The following TRPC1 variants were observed in gnomAD, a reference collection of about 807,000 sequenced individuals.
TRPC1 encodes transient receptor potential cation channel subfamily C member 1, also known as short transient receptor potential channel 1.
Under a neutral mutation model 88.2 loss-of-function variants are expected in TRPC1, and 42 were observed. The observed-to-expected ratio is 0.48, with a 90% CI of 0.37 to 0.62. The LOEUF (loss-of-function observed/expected upper bound fraction) is 0.62. TRPC1 is among the 20% of genes least tolerant of loss of function. TRPC1 has a pLI of 0.00. For missense variants in TRPC1, 699 were observed against 957.3 expected, an observed-to-expected ratio of 0.73 and a Z score of 3.56; for synonymous variants, 288 against 331.8, an observed-to-expected ratio of 0.87 and a Z score of 1.43.
Position 142,781,037 on chromosome 3 carries a change from G to C in TRPC1, c.960+8G>C, listed in dbSNP as rs376037016. On this transcript the variant is annotated splice_region_variant and intron_variant, in intron 6 of 12. Coordinates refer to ENST00000476941, the MANE Select transcript of TRPC1 (RefSeq NM_001251845.2). ...AAATATAACCAGAAAGAGGTATGAG[G>C]CTTTCTGTAATATATTTAAATTATT... is the stretch of plus-strand genomic sequence containing the variant. 3 of 1,598,532 alleles carry C rather than the reference G, an allele frequency of 1.9e-6. No individual in the cohort carries two copies. Among genetic ancestry groups the C allele is most frequent in the Non-Finnish European group, 2.6e-6 (3 of 1,174,094 alleles).
chr3:142,762,341 T>G (rs561799126), intron 4 of TRPC1, among the ~76,000 whole-genome samples: 1 of 151,866 alleles, frequency 6.6e-6, no homozygotes, highest in African/African-American at 2.4e-5. Flanking sequence ...TGGCCTCTTC[T>G]GTATTTTTTT....
chr3:142,739,286 T>C (rs1472643537), intron 2 of TRPC1, among the ~76,000 whole-genome samples: 1 of 152,146 alleles, frequency 6.6e-6, no homozygotes, highest in Non-Finnish European at 1.5e-5. Flanking sequence ...GATATTATTA[T>C]TGTCCCCATT....
At position 142,724,646 on chromosome 3, in the gene TRPC1, C is replaced by T. The variant is rs185773990; in HGVS notation, c.87C>T (p.Asn29=). ...LPSSPSSSSP[N]EVMALKDVRE... is the part of the protein sequence containing the mutation. ...CCTCTCCATCCTCTTCCTCGCCGAA[C>T]GAGGTGATGGCGCTGAAGGATGTGC... is the stretch of plus-strand genomic sequence containing the variant. Residue 29 remains asparagine, a synonymous_variant, in exon 1 of 13, where the codon AAC becomes AAT. Coordinates refer to ENST00000476941, the MANE Select transcript of TRPC1 (RefSeq NM_001251845.2). This position sits in a 1 kb window ranked among gnomAD's most constrained non-coding sequence, Gnocchi z 5.6. 2 of 1,613,026 alleles carry T rather than the reference C, an allele frequency of 1.2e-6. No individual in the cohort carries two copies. Among genetic ancestry groups the T allele is most frequent in the Admixed American group, 1.7e-5 (1 of 59,984 alleles).
chr3:142,734,739 A>T (rs1215104429), intron 1 of TRPC1, among the ~76,000 whole-genome samples: 1 of 152,068 alleles, frequency 6.6e-6, no homozygotes, highest in Non-Finnish European at 1.5e-5. Flanking sequence ...GGAATTTGAG[A>T]CAAGCCTGGG....
chr3:142,730,606 G>GT (rs34841179), intron 1 of TRPC1, among the ~76,000 whole-genome samples: 58,762 of 142,170 alleles, frequency 0.41, 12,146 homozygotes, highest in African/African-American at 0.47. Flanking sequence ...GTCTGCATGG[G>GT]TTTTTTTTTT....
rs1577931210 is a variant in TRPC1 at position 142,724,397 on chromosome 3, A to T, written c.-163A>T. Reference sequence around the variant, plus strand: ...CAGTGGAGGGCGAGTGCTGGTTCTCAGGGGAGGCGACGCCCTTCGGGGCCA... The same window carrying T: ...CAGTGGAGGGCGAGTGCTGGTTCTCTGGGGAGGCGACGCCCTTCGGGGCCA... On this transcript the variant is annotated 5_prime_UTR_variant, in exon 1 of 13. Transcript: ENST00000476941. This position sits in a 1 kb window ranked among gnomAD's most constrained non-coding sequence, Gnocchi z 5.6. 1.7e-6 allele frequency: 1 copy of T among 571,596 alleles called. No homozygotes were observed. Among genetic ancestry groups the T allele is most frequent in the Non-Finnish European group, 2.8e-6 (1 of 354,536 alleles). 35.4% of individuals were successfully genotyped at this position (571,596 alleles called of 1,614,324 possible). A position where few individuals can be genotyped will look rare whatever the true frequency, so the allele number is the denominator to read the frequency against.
rs1349559838 is a variant in TRPC1, at chr3:142,744,033, A to G, written c.429+447A>G. Reference sequence around the variant, plus strand: ...CTGTTAAAAAAGTTAAATTTTTGGAATCCAGACATCAGACAAAATTTAGAA... The same window carrying G: ...CTGTTAAAAAAGTTAAATTTTTGGAGTCCAGACATCAGACAAAATTTAGAA... On this transcript the variant is annotated intron_variant, in intron 3 of 12. Transcript: ENST00000476941. 2.0e-5 allele frequency among the ~76,000 whole-genome samples: 3 copies of G among 152,264 alleles called. No homozygotes were observed. In the East Asian group the frequency reaches 5.8e-4, roughly 29 times the overall value.
chr3:142,743,467 C>G lies in TRPC1; in HGVS notation c.328-18C>G. On this transcript the variant is annotated intron_variant, in intron 2 of 12. Transcript: ENST00000476941. ...TTTTATCTTCCATTTTCATTTTTAA[C>G]TTTTTTTTTTTTTGAAGTCTGCAGA... 1 of 1,155,580 alleles carries G rather than the reference C, an allele frequency of 8.7e-7. No individual in the cohort carries two copies. Among genetic ancestry groups the G allele is most frequent in the Non-Finnish European group, 1.2e-6 (1 of 859,878 alleles). The allele number at this position is 1,155,580 out of a possible 1,614,324, so 71.6% of individuals were successfully genotyped here.
In TRPC1 at chr3:142,804,701, C is replaced by T. The variant is rs576899651; in HGVS notation, c.2154+71C>T. The T allele has an allele frequency of 3.8e-5, 55 of 1,440,904 alleles. No individual in the cohort carries two copies. In the South Asian group the frequency reaches 5.8e-4, roughly 15 times the overall value. 89.3% of individuals were successfully genotyped at this position (1,440,904 alleles called of 1,614,324 possible). ...TCCTAATCTCAGATATTTCTTAAAGCGTAAGTATGCAGGTTCCCTAAGGGC... is the reference window on the plus strand; with the variant it reads ...TCCTAATCTCAGATATTTCTTAAAGTGTAAGTATGCAGGTTCCCTAAGGGC... On this transcript the variant is annotated intron_variant, in intron 12 of 12. Transcript: ENST00000476941.
intron 9 of TRPC1, among the ~76,000 whole-genome samples, chr3:142,797,941 TG>T (rs1412430607): frequency 6.6e-6 from 1 of 152,130 alleles, no homozygotes; most frequent in Non-Finnish European, 1.5e-5. Flanking sequence ...ATAATATAAG[TG>T]GCATGTTGGT....
chr3:142,763,744 T>G (rs1935270587), intron 4 of TRPC1, among the ~76,000 whole-genome samples: 2 of 151,800 alleles, frequency 1.3e-5, no homozygotes, highest in South Asian at 2.1e-4. Context: ...TTTTGAGAAT[T>G]CTCTTTTCCT....
intron 4 of TRPC1, among the ~76,000 whole-genome samples, chr3:142,766,784 G>A (rs968864358): frequency 2.0e-5 from 3 of 151,994 alleles, no homozygotes; most frequent in Admixed American, 6.5e-5. Flanking sequence ...GCCTGCAGAC[G>A]GCCTATTGAG....
intron 9 of TRPC1, among the ~76,000 whole-genome samples, chr3:142,799,393 T>C (rs1304228336): frequency 3.3e-5 from 5 of 152,332 alleles, no homozygotes; most frequent in Admixed American, 6.5e-5. Flanking sequence ...AAATTTACTG[T>C]TTTTAATATT....
intron 1 of TRPC1, among the ~76,000 whole-genome samples, chr3:142,729,439 ATGTT>A (rs142348734): frequency 0.11 from 16,150 of 152,172 alleles, 1,012 homozygotes; most frequent in Non-Finnish European, 0.14. Context: ...AAACAAAAGT[ATGTT>A]TGTATTAAAT....
At chr3:142,797,069 A>G (rs1425132768) in intron 9 of TRPC1, among the ~76,000 whole-genome samples, 1 of 147,764 alleles carries the variant, frequency 6.8e-6, no homozygotes, top group Admixed American at 6.7e-5. Flanking sequence ...CTTCAGTGCT[A>G]TGATAAGAAG....
intron 1 of TRPC1, among the ~76,000 whole-genome samples, chr3:142,729,803 T>C (rs546529050): frequency 6.6e-6 from 1 of 152,160 alleles, no homozygotes; most frequent in Non-Finnish European, 1.5e-5. Flanking sequence ...TCAAAAGTTA[T>C]CACTAAGATG....
chr3:142,804,772 G>T, intron 12 of TRPC1, 142 bp downstream of exon 12: 2 of 644,452 alleles, frequency 3.1e-6, no homozygotes, highest in Admixed American at 3.5e-5. Flanking sequence ...CTAATGTACG[G>T]CATCGCATCC....
chr3:142,763,959 A>AATATATATATAT lies in TRPC1; in HGVS notation c.633-13659_633-13648dup, dbSNP rs1159520441. ...GCGAGACTCCGTCTCAAAAAAAAGA[A>AATATATATATAT]ATATATATATATATATATATATATA... On this transcript the variant is annotated intron_variant, in intron 4 of 12. Transcript: ENST00000476941. Among the ~76,000 whole-genome samples the AATATATATATAT allele has an allele frequency of 4.0e-3, 308 of 76,268 alleles. 11 individuals are homozygous for AATATATATATAT. The highest frequency in any genetic ancestry group is 0.011 in the African/African-American group (175 of 15,286). 50.0% of individuals were successfully genotyped at this position (76,268 alleles called of 152,430 possible). A position where few individuals can be genotyped will look rare whatever the true frequency, so the allele number is the denominator to read the frequency against.
chr3:142,753,646 T>C (rs1218530701), intron 4 of TRPC1, among the ~76,000 whole-genome samples: 1 of 144,632 alleles, frequency 6.9e-6, no homozygotes, highest in Non-Finnish European at 1.5e-5. Context: ...GCACCTGTAG[T>C]CCCAGCTACT....
Sources: gnomAD v4.1 joint callset for allele counts (sites outside exome capture counted in the v4.1 genomes callset) on GRCh38, gnomAD v4.1.1 for gene constraint, Gnocchi (gnomAD v3.1) non-coding constraint, MANE v1.5 for transcripts, NCBI Gene and HGNC (gene_info 2026-07-23, HGNC 2026-07-21) for gene names.